ACSM4: variants seen among roughly 807,000 people sequenced by gnomAD.
ACSM4 encodes acyl-coenzyme A synthetase ACSM4, mitochondrial.
ACSM4 carries 66 observed loss-of-function variants against 73.0 expected under a neutral mutation model. The ratio of observed to expected loss-of-function variants is 0.90; its 90% CI spans 0.74 to 1.11. The LOEUF (loss-of-function observed/expected upper bound fraction) is 1.11, where lower values mean the gene tolerates loss of function less well. Ranked by LOEUF, ACSM4 falls within the 50% of genes least tolerant of loss-of-function variation. The pLI, the probability that ACSM4 is intolerant of heterozygous loss-of-function variation, is 0.00. For missense variants in ACSM4, 645 were observed against 714.4 expected, an observed-to-expected ratio of 0.90 and a Z score of 1.11; for synonymous variants, 222 against 254.0, an observed-to-expected ratio of 0.87 and a Z score of 1.20.
In ACSM4 at chr12:7,307,964, T is replaced by C. The variant is rs147387058; in HGVS notation, c.412+1221T>C. 4.6e-5 allele frequency among the ~76,000 whole-genome samples: 7 copies of C among 152,312 alleles called. No individual in the cohort carries two copies. In the East Asian group the frequency reaches 1.3e-3, roughly 29 times the overall value. On this transcript the variant is annotated intron_variant, in intron 2 of 12. Coordinates refer to ENST00000399422, the MANE Select transcript of ACSM4 (RefSeq NM_001080454.2). ...ATGGTAAAAATCACGAAGATGTTTG[T>C]TGCAATGTTATTAATAGTAATAGAA...
chr12:7,321,912 G>A (rs1946466240), intron 6 of ACSM4, among the ~76,000 whole-genome samples: 1 of 152,220 alleles, frequency 6.6e-6, no homozygotes, highest in East Asian at 1.9e-4. Context: ...ACCCTGACAA[G>A]TGGGAGGTGC....
chr12:7,320,523 T>C (rs1265618125), intron 5 of ACSM4, among the ~76,000 whole-genome samples: 1 of 152,226 alleles, frequency 6.6e-6, no homozygotes, highest in Non-Finnish European at 1.5e-5. Context: ...TATTAATATA[T>C]ATACATTCTT....
intron 11 of ACSM4, 92 bp from the exon 12 acceptor site, chr12:7,326,884 T>A: frequency 7.3e-7 from 1 of 1,365,054 alleles, no homozygotes; most frequent in East Asian, 2.6e-5. Context: ...CTGTTATTAA[T>A]AAATAGTAAG....
At chr12:7,323,427 T>G in intron 8 of ACSM4, 32 bp from the exon 9 acceptor site, 1 of 1,609,858 alleles carries the variant, frequency 6.2e-7, no homozygotes, top group Non-Finnish European at 8.5e-7. Flanking sequence ...AAAAGAAAAT[T>G]TTAAGACCAT....
chr12:7,322,665 A>G, intron 7 of ACSM4, 124 bp downstream of exon 7: 1 of 1,246,708 alleles, frequency 8.0e-7, no homozygotes. Flanking sequence ...GGGATACCTC[A>G]CCTTGCCAGT....
At chr12:7,314,496 T>C (rs1946407280) in intron 3 of ACSM4, among the ~76,000 whole-genome samples, 1 of 152,166 alleles carries the variant, frequency 6.6e-6, no homozygotes, top group African/African-American at 2.4e-5. Flanking sequence ...CTTTTTCTTT[T>C]AGATAGACAG....
intron 2 of ACSM4, among the ~76,000 whole-genome samples, chr12:7,307,318 C>T (rs1166369773): frequency 1.3e-5 from 2 of 152,148 alleles, no homozygotes; most frequent in South Asian, 4.1e-4. Context: ...TATTCAGTCA[C>T]AGCTAGAAAG....
chr12:7,326,904 T>C, intron 11 of ACSM4, 72 bp from the exon 12 acceptor site: 1 of 1,472,454 alleles, frequency 6.8e-7, no homozygotes, highest in Non-Finnish European at 9.1e-7. Flanking sequence ...GCACCTGTGT[T>C]CAGCATTTGT....
At position 7,304,542 on chromosome 12, in the gene ACSM4, G is replaced by C. The variant is rs751236848; in HGVS notation, c.201+10G>C. On this transcript the variant is annotated intron_variant, in intron 1 of 12. Coordinates refer to ENST00000399422, the MANE Select transcript of ACSM4 (RefSeq NM_001080454.2). ...GTCCCAAAAGGAGAAGGTATATGAC[G>C]ATGGGCTTCCAGTAGATGCTTGGTG... is the stretch of plus-strand genomic sequence containing the variant. 6.2e-7 allele frequency: 1 copy of C among 1,611,382 alleles called. No individual in the cohort carries two copies. Among genetic ancestry groups the C allele is most frequent in the Admixed American group, 1.7e-5 (1 of 60,014 alleles).
At chr12:7,310,949 T>A in intron 3 of ACSM4, among the ~76,000 whole-genome samples, 1 of 152,068 alleles carries the variant, frequency 6.6e-6, no homozygotes, top group Admixed American at 6.6e-5. Flanking sequence ...GTGGATCACT[T>A]GAGGTCAGGA....
chr12:7,312,209 T>G (rs771343315), intron 3 of ACSM4, among the ~76,000 whole-genome samples: 2 of 152,206 alleles, frequency 1.3e-5, no homozygotes, highest in Admixed American at 1.3e-4. Context: ...GATCTTCCTG[T>G]CTCCAGTTCC....
intron 3 of ACSM4, among the ~76,000 whole-genome samples, chr12:7,311,761 G>C (rs1298544569): frequency 6.6e-6 from 1 of 152,070 alleles, no homozygotes; most frequent in Non-Finnish European, 1.5e-5. Flanking sequence ...TGTGATCTCA[G>C]CTCACTGCAA....
intron 11 of ACSM4, among the ~76,000 whole-genome samples, chr12:7,325,928 C>T (rs751396964): frequency 5.1e-4 from 78 of 152,294 alleles, no homozygotes; most frequent in African/African-American, 1.8e-3. Context: ...ACTCTTACCT[C>T]CTGTACTCAC....
intron 3 of ACSM4, among the ~76,000 whole-genome samples, chr12:7,315,522 G>C (rs1463272430): frequency 6.6e-6 from 1 of 152,114 alleles, no homozygotes; most frequent in Non-Finnish European, 1.5e-5. Flanking sequence ...TGAGGCAGGA[G>C]AATTGCTTGA....
rs763414539 is a variant in ACSM4, at chr12:7,304,296, T to G, written c.-36T>G. On this transcript the variant is annotated 5_prime_UTR_variant, in exon 1 of 13. Coordinates refer to ENST00000399422, the MANE Select transcript of ACSM4 (RefSeq NM_001080454.2). ...CTCTCCCTACAGGCTGTAGTACTTCTGTGTCCATAGCAGTAGACAAAGTCC... is the reference window on the plus strand; with the variant it reads ...CTCTCCCTACAGGCTGTAGTACTTCGGTGTCCATAGCAGTAGACAAAGTCC... 1 of 1,593,632 alleles carries G rather than the reference T, an allele frequency of 6.3e-7. No homozygotes were observed. The highest frequency in any genetic ancestry group is 1.1e-5 in the South Asian group (1 of 90,544).
In ACSM4 at chr12:7,323,301, C is replaced by T; in HGVS notation, c.1193C>T (p.Pro398Leu). ...GGTTCAATGGGGAAAGGAATGCTGC[C>T]CTATGATGTCCAGGTAGGTTGAGAA... ...KPGSMGKGML[P>L]YDVQIIDENG... Residue 398 changes from proline (P) to leucine (L), a missense_variant, in exon 8 of 13, where the codon CCC becomes CTC. Transcript: ENST00000399422. 6.2e-7 allele frequency: 1 copy of T among 1,610,684 alleles called. No individual in the cohort carries two copies. Among genetic ancestry groups the T allele is most frequent in the East Asian group, 2.2e-5 (1 of 44,758 alleles).
intron 6 of ACSM4, among the ~76,000 whole-genome samples, chr12:7,321,060 C>T (rs142647077): frequency 8.2e-4 from 125 of 152,226 alleles, no homozygotes; most frequent in Non-Finnish European, 1.2e-3. Flanking sequence ...TAGACACTGC[C>T]GAATGTCTTC....
chr12:7,318,267 C>G (rs1946436141), intron 5 of ACSM4, 85 bp downstream of exon 5: 2 of 1,519,012 alleles, frequency 1.3e-6, no homozygotes, highest in Admixed American at 2.0e-5. Context: ...CCTTAGAATA[C>G]AAGGCTTCTT....
chr12:7,309,924 T>C (rs146719608), intron 2 of ACSM4, among the ~76,000 whole-genome samples: 9 of 152,108 alleles, frequency 5.9e-5, no homozygotes, highest in African/African-American at 9.7e-5. Context: ...GCTGGGACTA[T>C]AGGCGTGCGC....
Sources: allele counts gnomAD v4.1 joint callset (sites outside exome capture counted in the v4.1 genomes callset), GRCh38; gene constraint gnomAD v4.1.1; transcripts MANE v1.5; gene names NCBI Gene and HGNC (gene_info 2026-07-23, HGNC 2026-07-21).